ENTREP2: variants seen among roughly 807,000 people sequenced by gnomAD.
ENTREP2 encodes the protein endosomal transmembrane epsin interactor 2.
At chr15:29,613,861 T>C in the ENTREP2 span, 1 of 168,744 alleles carries the variant, frequency 5.9e-6, no homozygotes, top group Non-Finnish European at 1.3e-5. Context: ...AAGCCAGCTG[T>C]ATAGGGCTCT....
chr15:29,372,469 T>G, the ENTREP2 span, among the ~76,000 whole-genome samples: 1 of 152,184 alleles, frequency 6.6e-6, no homozygotes, highest in Non-Finnish European at 1.5e-5. Context: ...GTAGTTAAGT[T>G]TTTGAGGAGT....
chr15:29,546,201 G>A, the ENTREP2 span, among the ~76,000 whole-genome samples: 5 of 152,096 alleles, frequency 3.3e-5, no homozygotes, highest in Non-Finnish European at 5.9e-5. Flanking sequence ...AATACACAAG[G>A]GAAAGCCCTA....
the ENTREP2 span, among the ~76,000 whole-genome samples, chr15:29,490,086 T>C: frequency 1.3e-5 from 2 of 152,224 alleles, no homozygotes; most frequent in East Asian, 1.9e-4. Context: ...CCAGTAAACA[T>C]TTCTGTATGT....
the ENTREP2 span, among the ~76,000 whole-genome samples, chr15:29,162,138 G>A: frequency 3.3e-5 from 5 of 152,190 alleles, no homozygotes; most frequent in Non-Finnish European, 7.3e-5. Flanking sequence ...AGAAGTAGAG[G>A]AAGCAGCGGG....
the ENTREP2 span, among the ~76,000 whole-genome samples, chr15:29,423,743 A>G: frequency 6.6e-6 from 1 of 152,198 alleles, no homozygotes; most frequent in Non-Finnish European, 1.5e-5. Flanking sequence ...GGCTGCAGTA[A>G]GCAGATATCG....
chr15:29,500,136 G>A, the ENTREP2 span, among the ~76,000 whole-genome samples: 1 of 151,962 alleles, frequency 6.6e-6, no homozygotes, highest in Non-Finnish European at 1.5e-5. Context: ...ACAAAATAGG[G>A]AATTCAACAA....
chr15:29,403,825 T>C, the ENTREP2 span, among the ~76,000 whole-genome samples: 10 of 152,170 alleles, frequency 6.6e-5, no homozygotes, highest in Non-Finnish European at 1.0e-4. Flanking sequence ...GAGAGCCCAG[T>C]TGTACCCTGA....
the ENTREP2 span, among the ~76,000 whole-genome samples, chr15:29,179,887 G>A: frequency 1.3e-5 from 2 of 152,192 alleles, no homozygotes; most frequent in Non-Finnish European, 2.9e-5. Flanking sequence ...GCCCAGCCAG[G>A]GCTGGAGTCT....
chr15:29,224,431 G>T, the ENTREP2 span, among the ~76,000 whole-genome samples: 65,090 of 151,872 alleles, frequency 0.43, 14,230 homozygotes, highest in East Asian at 0.6. Context: ...CCCGCTTTTA[G>T]TCTTATTTGG....
chr15:29,614,729 C>G, the ENTREP2 span, among the ~76,000 whole-genome samples: 1 of 152,140 alleles, frequency 6.6e-6, no homozygotes, highest in Non-Finnish European at 1.5e-5. Flanking sequence ...CACGTAGTAG[C>G]CAGCACTGGG....
the ENTREP2 span, among the ~76,000 whole-genome samples, chr15:29,280,196 G>A: frequency 6.6e-6 from 1 of 152,168 alleles, no homozygotes. Flanking sequence ...CGCATTCTCT[G>A]AAAACGTGTA....
the ENTREP2 span, among the ~76,000 whole-genome samples, chr15:29,287,704 A>C: frequency 6.6e-6 from 1 of 152,238 alleles, no homozygotes; most frequent in Admixed American, 6.5e-5. Flanking sequence ...CAAAAGCTTC[A>C]ATATAATCCC....
chr15:29,657,148 G>C, the ENTREP2 span, among the ~76,000 whole-genome samples: 7 of 152,046 alleles, frequency 4.6e-5, no homozygotes, highest in African/African-American at 1.7e-4. Flanking sequence ...CCCCCGTTCC[G>C]GCCATTCTCC....
At chr15:29,648,854 G>A in the ENTREP2 span, among the ~76,000 whole-genome samples, 1 of 151,968 alleles carries the variant, frequency 6.6e-6, no homozygotes, top group African/African-American at 2.4e-5. Flanking sequence ...CAGGAGAATT[G>A]CTTGAACTAG....
the ENTREP2 span, among the ~76,000 whole-genome samples, chr15:29,516,702 T>C: frequency 2.0e-5 from 3 of 152,192 alleles, no homozygotes; most frequent in African/African-American, 7.2e-5. Flanking sequence ...TATTATTTGC[T>C]GTAGCTCCAT....
the ENTREP2 span, among the ~76,000 whole-genome samples, chr15:29,558,987 C>G: frequency 6.6e-6 from 1 of 151,906 alleles, no homozygotes; most frequent in Non-Finnish European, 1.5e-5. Flanking sequence ...TTAGTAGTTA[C>G]GTTTTGGAGG....
At chr15:29,315,937 G>C in the ENTREP2 span, among the ~76,000 whole-genome samples, 1 of 144,538 alleles carries the variant, frequency 6.9e-6, no homozygotes. Flanking sequence ...TACAGCACAT[G>C]TGCTTGCTTA....
the ENTREP2 span, among the ~76,000 whole-genome samples, chr15:29,496,976 T>C: frequency 6.6e-6 from 1 of 152,200 alleles, no homozygotes; most frequent in Non-Finnish European, 1.5e-5. Flanking sequence ...AGTTAATGTG[T>C]TAGAAACTTA....
the ENTREP2 span, among the ~76,000 whole-genome samples, chr15:29,325,125 T>C: frequency 2.0e-5 from 3 of 152,184 alleles, no homozygotes; most frequent in African/African-American, 7.2e-5. Flanking sequence ...AATGAAAATA[T>C]ACTTTGAACT....
Sources: gnomAD v4.1 joint callset for allele counts (sites outside exome capture counted in the v4.1 genomes callset) on GRCh38, gnomAD v4.1.1 for gene constraint, MANE v1.5 for transcripts, NCBI Gene and HGNC (gene_info 2026-07-23, HGNC 2026-07-21) for gene names.